MACROD2: variants seen among roughly 807,000 people sequenced by gnomAD.
MACROD2 encodes ADP-ribose glycohydrolase MACROD2.
MACROD2 carries 36 observed loss-of-function variants against 70.4 expected under a neutral mutation model. That is an observed-to-expected ratio of 0.51 (90% CI 0.39 to 0.68). The LOEUF is 0.68. MACROD2 is among the 30% of genes least tolerant of loss of function. The probability of loss-of-function intolerance (pLI) is 0.00; values close to 1 mark genes in which losing one functional copy is unlikely to be tolerated. For missense variants in MACROD2, 496 were observed against 538.4 expected, an observed-to-expected ratio of 0.92 and a Z score of 0.78; for synonymous variants, 172 against 178.8, an observed-to-expected ratio of 0.96 and a Z score of 0.30.
chr20:15,024,363 G>T (rs1290115330), intron 5 of MACROD2, among the ~76,000 whole-genome samples: 1 of 152,036 alleles, frequency 6.6e-6, no homozygotes, highest in African/African-American at 2.4e-5. Context: ...AAGGAAGAGG[G>T]AGAAGAAGAA....
At chr20:15,830,269 C>T (rs1005241566) in intron 8 of MACROD2, among the ~76,000 whole-genome samples, 1 of 152,182 alleles carries the variant, frequency 6.6e-6, no homozygotes, top group Non-Finnish European at 1.5e-5. Flanking sequence ...GAGGCATCCA[C>T]AGCATACAAA....
At chr20:15,330,439 C>G (rs1166770217) in intron 6 of MACROD2, among the ~76,000 whole-genome samples, 1 of 151,446 alleles carries the variant, frequency 6.6e-6, no homozygotes, top group African/African-American at 2.4e-5. Context: ...ATGGAAAATG[C>G]AGAAGGGCCT....
chr20:15,082,579 A>G (rs1021641200), intron 5 of MACROD2, among the ~76,000 whole-genome samples: 1 of 136,716 alleles, frequency 7.3e-6, no homozygotes, highest in Non-Finnish European at 1.5e-5. Context: ...TTTGGAAATC[A>G]TAGAAACATA....
chr20:15,086,761 CGTT>C (rs2075751835), intron 5 of MACROD2, among the ~76,000 whole-genome samples: 1 of 151,844 alleles, frequency 6.6e-6, no homozygotes, highest in African/African-American at 2.4e-5. Context: ...ACTAGTATAA[CGTT>C]GTACAGGCCA....
At chr20:14,580,180 A>T (rs993664367) in intron 4 of MACROD2, among the ~76,000 whole-genome samples, 1 of 152,230 alleles carries the variant, frequency 6.6e-6, no homozygotes, top group Non-Finnish European at 1.5e-5. Flanking sequence ...ACATAGATGG[A>T]GACCAGTTTG....
At chr20:14,957,358 A>T (rs2074546206) in intron 5 of MACROD2, among the ~76,000 whole-genome samples, 1 of 152,206 alleles carries the variant, frequency 6.6e-6, no homozygotes, top group Admixed American at 6.5e-5. Context: ...AAAAGAAAAC[A>T]CGTTTCACAG....
At chr20:15,428,900 AT>A (rs1372494226) in intron 6 of MACROD2, among the ~76,000 whole-genome samples, 13 of 149,890 alleles carry the variant, frequency 8.7e-5, no homozygotes, top group East Asian at 3.9e-4. Context: ...GTTGTCAAAC[AT>A]TTTTTTTTTC....
At chr20:14,147,502 TGCTATGGGACA>T (rs1192984936) in intron 3 of MACROD2, among the ~76,000 whole-genome samples, 1 of 152,202 alleles carries the variant, frequency 6.6e-6, no homozygotes. Flanking sequence ...CTCTAGTTCT[TGCTATGGGACA>T]GTTATGATGT....
Position 15,172,763 on chromosome 20 carries a change from A to T in MACROD2, c.419-57177A>T, listed in dbSNP as rs150707308. 6.6e-5 allele frequency among the ~76,000 whole-genome samples: 10 copies of T among 152,318 alleles called. No homozygotes were observed. The East Asian group carries it at 1.9e-3, about 29-fold the overall frequency. ...CTTGAAAAAGATCTGAACATTGACT[A>T]GTCAAGTGCAGATTAATAATTATCA... On this transcript the variant is annotated intron_variant, in intron 5 of 17. Transcript: ENST00000684519.
chr20:15,422,529 A>G (rs1316501063), intron 6 of MACROD2, among the ~76,000 whole-genome samples: 1 of 152,178 alleles, frequency 6.6e-6, no homozygotes, highest in African/African-American at 2.4e-5. Context: ...TGTTTATAGA[A>G]AGTGGGCAAT....
chr20:14,625,551 G>A (rs928951425), intron 4 of MACROD2, among the ~76,000 whole-genome samples: 5 of 152,118 alleles, frequency 3.3e-5, no homozygotes, highest in African/African-American at 1.2e-4. Context: ...CATGAATGGA[G>A]TAGACATGGT....
intron 3 of MACROD2, among the ~76,000 whole-genome samples, chr20:14,218,573 G>T (rs1186145090): frequency 6.6e-6 from 1 of 151,930 alleles, no homozygotes; most frequent in Non-Finnish European, 1.5e-5. Flanking sequence ...TGTGTACTTT[G>T]GTTTTTTGTT....
At chr20:15,789,013 T>C (rs2051977086) in intron 8 of MACROD2, among the ~76,000 whole-genome samples, 1 of 152,224 alleles carries the variant, frequency 6.6e-6, no homozygotes, top group Non-Finnish European at 1.5e-5. Context: ...TAGCTATAAA[T>C]AAATGCAGCT....
intron 8 of MACROD2, among the ~76,000 whole-genome samples, chr20:15,585,500 G>A (rs958959669): frequency 2.0e-5 from 3 of 152,048 alleles, no homozygotes; most frequent in Non-Finnish European, 4.4e-5. Context: ...CCGGCCTGGA[G>A]CGTCCTTTTT....
intron 2 of MACROD2, 37 bp from the exon 3 acceptor site, chr20:14,085,584 A>T: frequency 8.5e-7 from 1 of 1,173,478 alleles, no homozygotes; most frequent in Non-Finnish European, 1.2e-6. Context: ...GTTAATTAAT[A>T]ATATTATTAT....
At chr20:15,672,365 A>ACACACACACG (rs2049991790) in intron 8 of MACROD2, among the ~76,000 whole-genome samples, 1 of 151,588 alleles carries the variant, frequency 6.6e-6, no homozygotes, top group South Asian at 2.1e-4. Context: ...ACACACACAC[A>ACACACACACG]CACACACACA....
chr20:15,084,077 T>TTTTTTTTTTTGTTTTG (rs1555780896), intron 5 of MACROD2, among the ~76,000 whole-genome samples: 2,827 of 145,416 alleles, frequency 0.019, 87 homozygotes, highest in African/African-American at 0.07. Context: ...TTTTTGTTTT[T>TTTTTTTTTTTGTTTTG]TTTTTTTAAT....
At chr20:14,617,807 A>C (rs1983567114) in intron 4 of MACROD2, among the ~76,000 whole-genome samples, 1 of 152,138 alleles carries the variant, frequency 6.6e-6, no homozygotes, top group African/African-American at 2.4e-5. Flanking sequence ...CTGAGCCCTT[A>C]TAGATGATGT....
At chr20:15,828,720 A>C (rs16996632) in intron 8 of MACROD2, among the ~76,000 whole-genome samples, 2,088 of 152,340 alleles carry the variant, frequency 0.014, 58 homozygotes, top group African/African-American at 0.048. Context: ...TCGTCATTAC[A>C]TGTTAAGTTT....
Sources: gnomAD v4.1 joint callset for allele counts (sites outside exome capture counted in the v4.1 genomes callset) on GRCh38, gnomAD v4.1.1 for gene constraint, MANE v1.5 for transcripts, NCBI Gene and HGNC (gene_info 2026-07-23, HGNC 2026-07-21) for gene names.